The following NCAM2 variants were observed in gnomAD, a reference collection of about 807,000 sequenced individuals.
The protein encoded by NCAM2 is neural cell adhesion molecule 2, also known as N-CAM-2.
Under a neutral mutation model 98.1 loss-of-function variants are expected in NCAM2, and 30 were observed. The observed-to-expected ratio is 0.31, with a 90% CI of 0.23 to 0.41. The LOEUF (loss-of-function observed/expected upper bound fraction) is 0.41. Ranked by LOEUF, NCAM2 falls within the 10% of genes least tolerant of loss-of-function variation. NCAM2 has a pLI of 1.00. For synonymous variants in NCAM2, 368 were observed against 342.4 expected (o/e 1.07, Z -0.83); for missense variants, 867 against 1,005.8 (o/e 0.86, Z 1.87).
rs1257212203 is a variant in NCAM2, at chr21:21,539,561, C to T, written c.*1604C>T. 2 of 152,308 alleles carry T rather than the reference C, an allele frequency of 1.3e-5. No homozygotes were observed. The highest frequency in any genetic ancestry group is 2.4e-5 in the African/African-American group (1 of 41,580). 9.4% of individuals were successfully genotyped at this position (152,308 alleles called of 1,614,324 possible). A position where few individuals can be genotyped will look rare whatever the true frequency, so the allele number is the denominator to read the frequency against. On this transcript the variant is annotated 3_prime_UTR_variant, in exon 18 of 18. Transcript: ENST00000400546. ...TTTTATTTACAAAGTGCTTGAAACT[C>T]AGCCAAGGAGAGAAAACTAAGTACT...
chr21:21,515,103 A>G (rs538058467), intron 16 of NCAM2, among the ~76,000 whole-genome samples: 7 of 152,352 alleles, frequency 4.6e-5, no homozygotes, highest in African/African-American at 1.7e-4. Context: ...AAGACAATCA[A>G]TATCTTTGCA....
At chr21:21,111,891 G>A (rs1762483816) in intron 1 of NCAM2, among the ~76,000 whole-genome samples, 1 of 152,062 alleles carries the variant, frequency 6.6e-6, no homozygotes, top group South Asian at 2.1e-4. Context: ...GAATTTTTCA[G>A]TATTATATTC....
chr21:21,206,702 G>A lies in NCAM2; in HGVS notation c.56-73876G>A, dbSNP rs561771973. 2.1e-3 allele frequency among the ~76,000 whole-genome samples: 312 copies of A among 152,146 alleles called. 1 individual carries two copies. The highest frequency in any genetic ancestry group is 0.012 in the South Asian group (56 of 4,824). On this transcript the variant is annotated intron_variant, in intron 1 of 17. Transcript: ENST00000400546. The stretch of plus-strand genomic sequence containing the variant: ...AACTTTTTCAATTTTGTCACAATTA[G>A]GAATGTAGGATATCTTAAATTTGTA...
chr21:21,503,817 C>T (rs1008920407), intron 15 of NCAM2, among the ~76,000 whole-genome samples: 2 of 151,764 alleles, frequency 1.3e-5, no homozygotes, highest in East Asian at 1.9e-4. Context: ...CTCACAGTTG[C>T]TTTTAATAGT....
At chr21:21,084,885 C>G (rs2065878311) in intron 1 of NCAM2, among the ~76,000 whole-genome samples, 2 of 152,088 alleles carry the variant, frequency 1.3e-5, no homozygotes, top group South Asian at 4.1e-4. Context: ...CCTTTTTGTA[C>G]TTGAAAGTCT....
intron 12 of NCAM2, among the ~76,000 whole-genome samples, chr21:21,434,020 G>C (rs1388257988): frequency 6.6e-6 from 1 of 152,156 alleles, no homozygotes; most frequent in Non-Finnish European, 1.5e-5. Context: ...CAGACTTCTT[G>C]CAAAGGTGCA....
At chr21:21,365,234 A>AGTGC (rs1555881776) in intron 8 of NCAM2, among the ~76,000 whole-genome samples, 1 of 43,350 alleles carries the variant, frequency 2.3e-5, no homozygotes, top group African/African-American at 7.8e-5. Flanking sequence ...ATTATTGCTT[A>AGTGC]GTGCGTGTGT....
intron 16 of NCAM2, among the ~76,000 whole-genome samples, chr21:21,521,089 T>C (rs1988990782): frequency 6.6e-6 from 1 of 152,162 alleles, no homozygotes; most frequent in African/African-American, 2.4e-5. Flanking sequence ...ACATGGGGTT[T>C]TTAACAGAGC....
chr21:21,362,198 T>C (rs1205915876), intron 8 of NCAM2, among the ~76,000 whole-genome samples: 3 of 152,036 alleles, frequency 2.0e-5, no homozygotes, highest in Non-Finnish European at 2.9e-5. Context: ...TCTTAATGCA[T>C]CCACCCTTGT....
intron 4 of NCAM2, among the ~76,000 whole-genome samples, chr21:21,289,839 A>G (rs1159275031): frequency 6.6e-6 from 1 of 151,992 alleles, no homozygotes; most frequent in Non-Finnish European, 1.5e-5. Context: ...GTTGAGAAGA[A>G]TATTTGTATG....
intron 1 of NCAM2, among the ~76,000 whole-genome samples, chr21:21,249,367 C>G (rs2147278744): frequency 6.6e-6 from 1 of 152,260 alleles, no homozygotes; most frequent in African/African-American, 2.4e-5. Flanking sequence ...TTACATAGAA[C>G]TGTGGTTCAT....
At chr21:21,043,540 ATAT>A (rs1476967997) in intron 1 of NCAM2, among the ~76,000 whole-genome samples, 2 of 151,816 alleles carry the variant, frequency 1.3e-5, no homozygotes, top group African/African-American at 2.4e-5. Context: ...TGAAGAAATA[ATAT>A]TATATACAAT....
intron 8 of NCAM2, among the ~76,000 whole-genome samples, chr21:21,364,000 T>C (rs1020250061): frequency 3.9e-5 from 6 of 152,014 alleles, no homozygotes; most frequent in Non-Finnish European, 8.8e-5. Flanking sequence ...TTTGTATAAA[T>C]TACCTGTTCT....
At chr21:21,461,252 CAT>C (rs1216404380) in intron 12 of NCAM2, among the ~76,000 whole-genome samples, 4 of 151,694 alleles carry the variant, frequency 2.6e-5, no homozygotes, top group South Asian at 4.1e-4. Context: ...GTTTATGAAA[CAT>C]ATTTTGTTCA....
intron 1 of NCAM2, among the ~76,000 whole-genome samples, chr21:21,195,287 G>GA (rs2068965286): frequency 1.3e-5 from 2 of 152,062 alleles, no homozygotes; most frequent in African/African-American, 2.4e-5. Flanking sequence ...GAATAAAGGG[G>GA]AAAAATCTGA....
At chr21:21,280,475 G>T (rs950860161) in intron 1 of NCAM2, 103 bp from the exon 2 acceptor site, 1 of 697,916 alleles carries the variant, frequency 1.4e-6, no homozygotes, top group African/African-American at 1.9e-5. Flanking sequence ...AAAATTGGGG[G>T]GAAATAATCA....
chr21:21,528,972 CACAGATT>C (rs957553801), intron 16 of NCAM2, among the ~76,000 whole-genome samples: 41 of 152,170 alleles, frequency 2.7e-4, no homozygotes, highest in African/African-American at 8.9e-4. Flanking sequence ...ACAAATGGCA[CACAGATT>C]ACAAAAAACG....
At chr21:21,102,289 A>G (rs866800782) in intron 1 of NCAM2, among the ~76,000 whole-genome samples, 1 of 152,056 alleles carries the variant, frequency 6.6e-6, no homozygotes, top group Non-Finnish European at 1.5e-5. Flanking sequence ...TTAAAATTGT[A>G]AAAAAAGTAC....
intron 8 of NCAM2, among the ~76,000 whole-genome samples, chr21:21,357,898 A>C (rs1329157693): frequency 6.6e-6 from 1 of 152,184 alleles, no homozygotes; most frequent in Non-Finnish European, 1.5e-5. Context: ...CAAATAATTG[A>C]AGGAACAATA....
Sources: gnomAD v4.1 joint callset for allele counts (sites outside exome capture counted in the v4.1 genomes callset) on GRCh38, gnomAD v4.1.1 for gene constraint, MANE v1.5 for transcripts, NCBI Gene and HGNC (gene_info 2026-07-23, HGNC 2026-07-21) for gene names.